The following SPATA22 variants were observed in gnomAD, a reference collection of about 807,000 sequenced individuals.
The protein encoded by SPATA22 is spermatogenesis associated 22, also known as spermatogenesis-associated protein 22.
A neutral mutation model predicts 47.8 loss-of-function variants in SPATA22; 29 were observed. The ratio of observed to expected loss-of-function variants is 0.61; its 90% CI spans 0.45 to 0.83. The LOEUF (loss-of-function observed/expected upper bound fraction) is 0.83, where lower values mean the gene tolerates loss of function less well. SPATA22 is among the 40% of genes least tolerant of loss of function. The probability of loss-of-function intolerance (pLI) is 0.00; values close to 1 mark genes in which losing one functional copy is unlikely to be tolerated. For synonymous variants in SPATA22, 133 were observed against 140.9 expected (o/e 0.94, Z 0.40); for missense variants, 410 against 421.7 (o/e 0.97, Z 0.24).
In SPATA22 at chr17:3,469,052, G is replaced by A. The variant is rs758097889; in HGVS notation, c.43+231C>T. Among the ~76,000 whole-genome samples, 77 of 152,160 alleles carry A rather than the reference G, an allele frequency of 5.1e-4. 1 individual carries two copies. The highest frequency in any genetic ancestry group is 3.6e-3 in the Admixed American group (55 of 15,296). On this transcript the variant is annotated intron_variant, in intron 2 of 8. Transcript: ENST00000572969. ...AAGCATAGAATAACTCAAGCACATC[G>A]AATTTGTAGAAAGAATATCAAAATA...
At chr17:3,489,390 TAA>T (rs1193577789) in intron 1 of SPATA22, 2 of 1,445,352 alleles carry the variant, frequency 1.4e-6, no homozygotes, top group African/African-American at 2.8e-5. Flanking sequence ...ACCAAACATT[TAA>T]ATAACAATTG....
At chr17:3,504,670 G>A (rs2074025186) in intron 1 of SPATA22, among the ~76,000 whole-genome samples, 2 of 151,406 alleles carry the variant, frequency 1.3e-5, no homozygotes, top group East Asian at 2.0e-4. Flanking sequence ...CGATTCTGCC[G>A]CCTCAGCCTG....
chr17:3,446,392 G>A (rs1407474032), intron 7 of SPATA22, 80 bp downstream of exon 7: 2 of 1,396,692 alleles, frequency 1.4e-6, no homozygotes, highest in African/African-American at 1.5e-5. Flanking sequence ...TGTTTTATTT[G>A]GAAGAAAAAG....
intron 3 of SPATA22, among the ~76,000 whole-genome samples, chr17:3,464,818 G>A (rs1312419083): frequency 3.7e-5 from 5 of 136,272 alleles, no homozygotes; most frequent in African/African-American, 1.1e-4. Flanking sequence ...GAGCCCCTCC[G>A]CCCGGCAGCC....
At chr17:3,461,856 A>G (rs911089051) in intron 5 of SPATA22, among the ~76,000 whole-genome samples, 4 of 152,130 alleles carry the variant, frequency 2.6e-5, no homozygotes, top group African/African-American at 7.2e-5. Context: ...TTCCTTCTAT[A>G]TTGCCATTTA....
At chr17:3,510,972 A>G (rs2074105194) in intron 1 of SPATA22, 1 of 152,258 alleles carries the variant, frequency 6.6e-6, no homozygotes, top group Admixed American at 6.5e-5. Flanking sequence ...GATATATCAC[A>G]TAATGTCTAG....
At position 3,457,618 on chromosome 17, in the gene SPATA22, T is replaced by C. The variant is rs1424438178; in HGVS notation, c.329+4865A>G. ...AGTAATCAAAACAGTATGGTACTGG[T>C]ATTAAAACAGGCACATAGATCAACA... On this transcript the variant is annotated intron_variant, in intron 5 of 8. Coordinates refer to ENST00000572969, the MANE Select transcript of SPATA22 (RefSeq NM_001170698.2). Among the ~76,000 whole-genome samples the C allele has an allele frequency of 6.6e-5, 10 of 151,500 alleles. No homozygotes were observed. The East Asian group carries it at 1.8e-3, about 27-fold the overall frequency.
At chr17:3,487,589 G>A (rs1212837638) in intron 1 of SPATA22, among the ~76,000 whole-genome samples, 1 of 152,090 alleles carries the variant, frequency 6.6e-6, no homozygotes, top group African/African-American at 2.4e-5. Context: ...TTATTGCTAA[G>A]CCTTTGATTT....
intron 3 of SPATA22, among the ~76,000 whole-genome samples, chr17:3,466,327 C>T (rs1199447340): frequency 6.6e-6 from 1 of 151,948 alleles, no homozygotes; most frequent in African/African-American, 2.4e-5. Flanking sequence ...TCTGCCTGCC[C>T]ATTCCTCTTC....
At chr17:3,476,482 G>C (rs2073525548), upstream of SPATA22, 2 of 1,235,064 alleles carry the variant, frequency 1.6e-6, no homozygotes, top group South Asian at 2.4e-5. Flanking sequence ...TGTATATGCA[G>C]ATGATAATTC....
Position 3,440,468 on chromosome 17 carries a change from C to G in SPATA22, c.901-130G>C, listed in dbSNP as rs1216288825. The G allele has an allele frequency of 1.9e-5, 13 of 672,548 alleles. No homozygotes were observed. In the East Asian group the frequency reaches 3.6e-4, roughly 19 times the overall value. 41.7% of individuals were successfully genotyped at this position (672,548 alleles called of 1,614,324 possible). A position where few individuals can be genotyped will look rare whatever the true frequency, so the allele number is the denominator to read the frequency against. Reference sequence around the variant, plus strand: ...TATAATTCCTTCACGTGAGTCAGGGCCCCACTGCTAACAAGACAATGATAG... The same window carrying G: ...TATAATTCCTTCACGTGAGTCAGGGGCCCACTGCTAACAAGACAATGATAG... On this transcript the variant is annotated intron_variant, in intron 8 of 8. Transcript: ENST00000572969.
chr17:3,474,735 A>G (rs2073496599), upstream of SPATA22, among the ~76,000 whole-genome samples: 1 of 152,318 alleles, frequency 6.6e-6, no homozygotes, highest in East Asian at 1.9e-4. Flanking sequence ...TCCACCATGT[A>G]TTTGGTTTGT....
intron 3 of SPATA22, 27 bp from the exon 4 acceptor site, chr17:3,462,794 A>C (rs765329878): frequency 6.6e-7 from 1 of 1,512,236 alleles, no homozygotes. Context: ...AACATAGATA[A>C]AAGTAAGATA....
chr17:3,484,777 T>C (rs1387020713), intron 1 of SPATA22, among the ~76,000 whole-genome samples: 1 of 152,198 alleles, frequency 6.6e-6, no homozygotes. Flanking sequence ...CAGCAGACAA[T>C]TGGTGGACCA....
At chr17:3,482,744 G>C (rs1217446964) in intron 1 of SPATA22, among the ~76,000 whole-genome samples, 1 of 151,434 alleles carries the variant, frequency 6.6e-6, no homozygotes, top group Non-Finnish European at 1.5e-5. Flanking sequence ...AGTGGTCCTG[G>C]TAGGAGATCA....
intron 1 of SPATA22, chr17:3,510,945 A>T (rs2074104941): frequency 1.3e-5 from 2 of 152,284 alleles, no homozygotes; most frequent in Admixed American, 6.5e-5. Context: ...AAGGTTAAGC[A>T]CCTTTTATTC....
chr17:3,482,647 A>G (rs569152776), intron 1 of SPATA22, among the ~76,000 whole-genome samples: 1 of 152,330 alleles, frequency 6.6e-6, no homozygotes, highest in East Asian at 1.9e-4. Context: ...TAAATGACAT[A>G]AAGTATTTAA....
intron 6 of SPATA22, 44 bp downstream of exon 6, chr17:3,448,763 T>C: frequency 7.0e-7 from 1 of 1,425,672 alleles, no homozygotes; most frequent in Middle Eastern, 1.9e-4. Flanking sequence ...ACCTCATATT[T>C]TTAAAAATGT....
upstream of SPATA22, among the ~76,000 whole-genome samples, chr17:3,473,220 G>A (rs2073473435): frequency 1.3e-5 from 2 of 151,036 alleles, no homozygotes; most frequent in Non-Finnish European, 2.9e-5. Flanking sequence ...TTTTATACTT[G>A]TCTTTTTCTG....
Sources: allele counts gnomAD v4.1 joint callset (sites outside exome capture counted in the v4.1 genomes callset), GRCh38; gene constraint gnomAD v4.1.1; transcripts MANE v1.5; gene names NCBI Gene and HGNC (gene_info 2026-07-23, HGNC 2026-07-21).